Variants in CTNNA3 observed in about 807,000 individuals in gnomAD.
CTNNA3 encodes catenin alpha 3.
In CTNNA3, 76 loss-of-function variants were observed where a neutral mutation model predicts 95.7. The ratio of observed to expected loss-of-function variants is 0.79; its 90% confidence interval spans 0.66 to 0.96. The LOEUF is 0.96. Among genes scored for constraint, CTNNA3 ranks in the 40% least tolerant of loss-of-function variants. The probability of loss-of-function intolerance (pLI) is 0.00; values close to 1 mark genes in which losing one functional copy is unlikely to be tolerated. For missense variants in CTNNA3, 1,191 were observed against 1,089.8 expected (o/e 1.09, Z -1.31); for synonymous variants, 431 against 374.4 (o/e 1.15, Z -1.74).
intron 10 of CTNNA3, among the ~76,000 whole-genome samples, chr10:66,587,104 G>C: frequency 6.6e-6 from 1 of 152,118 alleles, no homozygotes; most frequent in East Asian, 1.9e-4. Flanking sequence ...CACAGACTCT[G>C]AGATTTTCTT....
rs1214438353 is a variant in CTNNA3, at chr10:66,619,479, G to A, written c.1374+2213C>T. Reference sequence around the variant, plus strand: ...CGCAAGGACAAAAAAAACAAACACCGCATTTTCTCACTCACAGGTGGGAAT... The same window carrying A: ...CGCAAGGACAAAAAAAACAAACACCACATTTTCTCACTCACAGGTGGGAAT... On this transcript the variant is annotated intron_variant, in intron 10 of 17. Coordinates refer to ENST00000433211, the MANE Select transcript of CTNNA3 (RefSeq NM_013266.4). Among the ~76,000 whole-genome samples, 3 of 109,946 alleles carry A rather than the reference G, an allele frequency of 2.7e-5. 1 individual carries two copies. Among genetic ancestry groups the A allele is most frequent in the African/African-American group, 6.0e-5 (2 of 33,296 alleles). 72.1% of individuals were successfully genotyped at this position (109,946 alleles called of 152,430 possible).
chr10:67,720,408 C>G (rs1274490749), intron 1 of CTNNA3, among the ~76,000 whole-genome samples: 3 of 151,560 alleles, frequency 2.0e-5, no homozygotes, highest in African/African-American at 7.3e-5. Context: ...ATGATGCTAG[C>G]TGGTTATTTT....
chr10:66,045,624 C>T (rs1026351512), intron 15 of CTNNA3, among the ~76,000 whole-genome samples: 4 of 152,120 alleles, frequency 2.6e-5, no homozygotes, highest in Non-Finnish European at 5.9e-5. Flanking sequence ...GTGTTCATTG[C>T]TTTAACCCTG....
intron 5 of CTNNA3, among the ~76,000 whole-genome samples, chr10:67,428,977 T>C (rs1486704653): frequency 6.6e-6 from 1 of 152,004 alleles, no homozygotes; most frequent in Non-Finnish European, 1.5e-5. Flanking sequence ...TATATCCTAT[T>C]AGTTCTGTCC....
intron 14 of CTNNA3, among the ~76,000 whole-genome samples, chr10:66,076,087 C>T (rs7922486): frequency 0.17 from 26,077 of 151,288 alleles, 2,528 homozygotes; most frequent in South Asian, 0.35. Flanking sequence ...GTTTGATAAA[C>T]TTTAAAAATA....
chr10:66,583,167 A>C (rs547783236), intron 10 of CTNNA3, among the ~76,000 whole-genome samples: 1 of 151,762 alleles, frequency 6.6e-6, no homozygotes, highest in Non-Finnish European at 1.5e-5. Flanking sequence ...TGTATTAGGG[A>C]GGATTCTCTT....
chr10:66,977,672 TTAAA>T (rs1850128096), intron 7 of CTNNA3, among the ~76,000 whole-genome samples: 1 of 152,170 alleles, frequency 6.6e-6, no homozygotes, highest in Non-Finnish European at 1.5e-5. Context: ...GTTTTAAAGG[TTAAA>T]TAAATCTTCA....
Position 65,969,857 on chromosome 10 carries a change from A to C in CTNNA3, c.2266-3111T>G, listed in dbSNP as rs577315826. Among the ~76,000 whole-genome samples, 114 of 152,276 alleles carry C rather than the reference A, an allele frequency of 7.5e-4. 8 individuals carry two copies. The highest frequency in any genetic ancestry group is 5.2e-4 in the Admixed American group (8 of 15,294). ...ACCTAGAAAAAATACTTGAAGTGATAAATCAAGAAAATGTTTCAAATTTTG... is the reference window on the plus strand; with the variant it reads ...ACCTAGAAAAAATACTTGAAGTGATCAATCAAGAAAATGTTTCAAATTTTG... On this transcript the variant is annotated intron_variant, in intron 16 of 17. Transcript: ENST00000433211.
chr10:66,337,762 G>T (rs544832429), intron 12 of CTNNA3, among the ~76,000 whole-genome samples: 1 of 152,078 alleles, frequency 6.6e-6, no homozygotes, highest in East Asian at 1.9e-4. Context: ...ATATGAACAA[G>T]AATGTAAAGA....
At chr10:66,587,443 T>C (rs1226674651) in intron 10 of CTNNA3, among the ~76,000 whole-genome samples, 1 of 152,034 alleles carries the variant, frequency 6.6e-6, no homozygotes, top group African/African-American at 2.4e-5. Context: ...GGTAGGGCCA[T>C]GGAGCTCCCA....
intron 5 of CTNNA3, among the ~76,000 whole-genome samples, chr10:67,327,732 T>C (rs776919132): frequency 6.6e-6 from 1 of 152,200 alleles, no homozygotes; most frequent in Non-Finnish European, 1.5e-5. Context: ...GTAGCAGCAG[T>C]AGCAACAGCT....
chr10:66,113,958 T>C (rs1452290552), intron 13 of CTNNA3, among the ~76,000 whole-genome samples: 1 of 151,714 alleles, frequency 6.6e-6, no homozygotes. Context: ...CATGCAATAA[T>C]AATAAGAGCA....
intron 12 of CTNNA3, among the ~76,000 whole-genome samples, chr10:66,295,381 G>A (rs1389798253): frequency 6.6e-6 from 1 of 152,122 alleles, no homozygotes; most frequent in African/African-American, 2.4e-5. Context: ...CCAACCTCCA[G>A]CAAAGAAAGC....
intron 11 of CTNNA3, among the ~76,000 whole-genome samples, chr10:66,453,062 A>T (rs1436795935): frequency 6.6e-6 from 1 of 152,052 alleles, no homozygotes; most frequent in African/African-American, 2.4e-5. Context: ...AAAAATACAA[A>T]AAAAAATTGT....
chr10:66,313,157 A>T (rs765166878), intron 12 of CTNNA3, among the ~76,000 whole-genome samples: 1 of 152,106 alleles, frequency 6.6e-6, no homozygotes, highest in Non-Finnish European at 1.5e-5. Context: ...TTCCCGTAAA[A>T]CTCTGCATGG....
At chr10:67,667,368 C>G (rs981577745) in intron 1 of CTNNA3, among the ~76,000 whole-genome samples, 6 of 152,080 alleles carry the variant, frequency 3.9e-5, no homozygotes, top group African/African-American at 1.4e-4. Flanking sequence ...TTAACTTCCA[C>G]AAATTTATCT....
chr10:67,744,272 C>T (rs988049383), intron 1 of CTNNA3, among the ~76,000 whole-genome samples: 1 of 151,210 alleles, frequency 6.6e-6, no homozygotes, highest in African/African-American at 2.4e-5. Context: ...GCTACGGTAA[C>T]CAAAACAGCA....
At position 66,360,674 on chromosome 10, in the gene CTNNA3, C is replaced by CTTTCTTTCTTTCTTTCTTTCTTT. The variant is rs1564896417; in HGVS notation, c.1732+18477_1732+18478insAAAGAAAGAAAGAAAGAAAGAAA. On this transcript the variant is annotated intron_variant, in intron 12 of 17. Transcript: ENST00000433211. ...TTCTTTCTTTCTTCCTTCCTTCCTT[C>CTTTCTTTCTTTCTTTCTTTCTTT]CTTCCTTCCTTCCTTCCTTTTCTTT... Among the ~76,000 whole-genome samples the CTTTCTTTCTTTCTTTCTTTCTTT allele has an allele frequency of 8.6e-3, 649 of 75,716 alleles. 24 individuals carry two copies. Among genetic ancestry groups the CTTTCTTTCTTTCTTTCTTTCTTT allele is most frequent in the Middle Eastern group, 0.015 (2 of 134 alleles). 49.7% of individuals were successfully genotyped at this position (75,716 alleles called of 152,430 possible).
intron 15 of CTNNA3, among the ~76,000 whole-genome samples, chr10:66,052,954 C>A (rs10740222): frequency 0.53 from 80,472 of 151,764 alleles, 21,721 homozygotes; most frequent in South Asian, 0.59. Context: ...AATTTCATTT[C>A]TGAAAAAAAT....
Sources: gnomAD v4.1 joint callset for allele counts (sites outside exome capture counted in the v4.1 genomes callset) on GRCh38, gnomAD v4.1.1 for gene constraint, MANE v1.5 for transcripts, NCBI Gene and HGNC (gene_info 2026-07-23, HGNC 2026-07-21) for gene names.